The following BICC1 variants were observed in gnomAD, a reference collection of about 807,000 sequenced individuals.
BICC1 encodes BicC family RNA binding protein 1.
In BICC1, 43 loss-of-function variants were observed where a neutral mutation model predicts 111.0. The ratio of observed to expected loss-of-function variants is 0.39; its 90% confidence interval spans 0.30 to 0.50. The LOEUF (loss-of-function observed/expected upper bound fraction) is 0.50. BICC1 is among the 20% of genes least tolerant of loss of function. The pLI is 0.88. For missense variants in BICC1, 1,091 were observed against 1,203.2 expected (o/e 0.91, Z 1.38); for synonymous variants, 467 against 434.4 (o/e 1.07, Z -0.93).
intron 3 of BICC1, among the ~76,000 whole-genome samples, chr10:58,764,168 A>G (rs1842395473): frequency 6.6e-6 from 1 of 152,186 alleles, no homozygotes. Context: ...TCATACCTGT[A>G]TTACTCTGAG....
In BICC1 at chr10:58,687,256, G is replaced by A. The variant is rs531518188; in HGVS notation, c.238-14818G>A. Among the ~76,000 whole-genome samples the A allele has an allele frequency of 1.8e-4, 28 of 152,278 alleles. 1 individual carries two copies. Among genetic ancestry groups the A allele is most frequent in the Admixed American group, 1.6e-3 (25 of 15,290 alleles). The stretch of plus-strand genomic sequence containing the variant: ...GAAGTTTTGTCTCAGAGGGGCACCC[G>A]GCTGTATGACATGTGAGTCGGCCTC... On this transcript the variant is annotated intron_variant, in intron 2 of 20. Coordinates refer to ENST00000373886, the MANE Select transcript of BICC1 (RefSeq NM_001080512.3).
At chr10:58,533,085 T>A (rs930358788) in intron 1 of BICC1, among the ~76,000 whole-genome samples, 1 of 116,134 alleles carries the variant, frequency 8.6e-6, no homozygotes, top group Non-Finnish European at 2.0e-5. Context: ...GAAAATAACA[T>A]CTGGTTATTA....
intron 1 of BICC1, among the ~76,000 whole-genome samples, chr10:58,555,714 CT>C (rs1412295503): frequency 2.0e-5 from 3 of 152,220 alleles, no homozygotes; most frequent in African/African-American, 7.2e-5. Context: ...GCCAAGCAGG[CT>C]TGACTTCAGT....
intron 1 of BICC1, among the ~76,000 whole-genome samples, chr10:58,602,550 C>T (rs971533163): frequency 1.3e-5 from 2 of 152,114 alleles, no homozygotes; most frequent in Non-Finnish European, 2.9e-5. Context: ...CCAGCTTTAA[C>T]AAAAACAAAT....
At chr10:58,599,058 T>A (rs1844934424) in intron 1 of BICC1, among the ~76,000 whole-genome samples, 1 of 152,132 alleles carries the variant, frequency 6.6e-6, no homozygotes, top group Admixed American at 6.5e-5. Context: ...GGTGGACGTG[T>A]AAATTAGTTC....
intron 2 of BICC1, among the ~76,000 whole-genome samples, chr10:58,665,862 T>C (rs1838992968): frequency 6.6e-6 from 1 of 152,214 alleles, no homozygotes; most frequent in African/African-American, 2.4e-5. Flanking sequence ...TAATGAATTT[T>C]ATAACCTTGC....
At chr10:58,568,813 T>C (rs1447809189) in intron 1 of BICC1, among the ~76,000 whole-genome samples, 1 of 152,138 alleles carries the variant, frequency 6.6e-6, no homozygotes, top group Non-Finnish European at 1.5e-5. Flanking sequence ...AAGAATCACA[T>C]CTGAACACCT....
At chr10:58,531,771 T>C (rs1842687731) in intron 1 of BICC1, among the ~76,000 whole-genome samples, 1 of 151,514 alleles carries the variant, frequency 6.6e-6, no homozygotes, top group African/African-American at 2.4e-5. Flanking sequence ...AGCTGAAGAA[T>C]ACAGTAACTG....
chr10:58,826,974 A>G (rs1454124625), intron 20 of BICC1, among the ~76,000 whole-genome samples: 1 of 152,210 alleles, frequency 6.6e-6, no homozygotes, highest in Non-Finnish European at 1.5e-5. Flanking sequence ...TGTTTTCTCT[A>G]GACTGTTTCC....
At chr10:58,629,773 TAAC>T (rs1564521241) in intron 2 of BICC1, among the ~76,000 whole-genome samples, 1 of 152,238 alleles carries the variant, frequency 6.6e-6, no homozygotes, top group Non-Finnish European at 1.5e-5. Flanking sequence ...TCTGGTTTCT[TAAC>T]AATGATCTTT....
At chr10:58,546,776 T>G (rs1843148660) in intron 1 of BICC1, among the ~76,000 whole-genome samples, 1 of 152,150 alleles carries the variant, frequency 6.6e-6, no homozygotes, top group Non-Finnish European at 1.5e-5. Context: ...TTCAAATACT[T>G]AAGAAAAAAA....
chr10:58,679,469 T>C (rs1839447540), intron 2 of BICC1, among the ~76,000 whole-genome samples: 1 of 152,078 alleles, frequency 6.6e-6, no homozygotes, highest in Admixed American at 6.6e-5. Flanking sequence ...ACATACACCC[T>C]CCAAAGACTA....
intron 1 of BICC1, among the ~76,000 whole-genome samples, chr10:58,611,701 G>T (rs1339146209): frequency 6.6e-6 from 1 of 151,614 alleles, no homozygotes; most frequent in Admixed American, 6.6e-5. Flanking sequence ...TGCTGCGTAG[G>T]CTGGTCTCAA....
intron 1 of BICC1, among the ~76,000 whole-genome samples, chr10:58,555,345 C>A (rs1201431634): frequency 7.5e-6 from 1 of 132,468 alleles, no homozygotes; most frequent in Admixed American, 8.1e-5. Flanking sequence ...AGGTGGCTGA[C>A]CCTAGGACGT....
At chr10:58,707,408 C>A (rs1289806605) in intron 3 of BICC1, among the ~76,000 whole-genome samples, 3 of 151,966 alleles carry the variant, frequency 2.0e-5, no homozygotes, top group Non-Finnish European at 4.4e-5. Flanking sequence ...CAAAGTGTTG[C>A]TAATGGTGGG....
intron 1 of BICC1, among the ~76,000 whole-genome samples, chr10:58,611,831 G>T (rs568864830): frequency 6.6e-6 from 1 of 152,014 alleles, no homozygotes; most frequent in Non-Finnish European, 1.5e-5. Flanking sequence ...AGTTAAGATT[G>T]CATTTTTGAC....
intron 4 of BICC1, among the ~76,000 whole-genome samples, chr10:58,785,599 A>G (rs1318774487): frequency 2.0e-5 from 3 of 152,068 alleles, no homozygotes; most frequent in Non-Finnish European, 4.4e-5. Flanking sequence ...ATAGAGAGAG[A>G]ACAGGGAAAT....
At chr10:58,649,323 C>A (rs1838368365) in intron 2 of BICC1, among the ~76,000 whole-genome samples, 1 of 152,166 alleles carries the variant, frequency 6.6e-6, no homozygotes, top group Non-Finnish European at 1.5e-5. Flanking sequence ...TGGGGAGAAA[C>A]TCTCCCGCAG....
intron 1 of BICC1, among the ~76,000 whole-genome samples, chr10:58,599,043 C>G (rs1844933791): frequency 6.6e-6 from 1 of 152,168 alleles, no homozygotes. Flanking sequence ...CCCTTTTACA[C>G]TGTTGGTGGA....
Sources: gnomAD v4.1 joint callset for allele counts (sites outside exome capture counted in the v4.1 genomes callset) on GRCh38, gnomAD v4.1.1 for gene constraint, MANE v1.5 for transcripts, NCBI Gene and HGNC (gene_info 2026-07-23, HGNC 2026-07-21) for gene names.